Variants in CENPC observed in about 807,000 individuals in gnomAD.
CENPC encodes the protein CENP-C 1.
A neutral mutation model predicts 112.1 loss-of-function variants in CENPC; 63 were observed. The ratio of observed to expected loss-of-function variants is 0.56; its 90% CI spans 0.46 to 0.69. The LOEUF is 0.69. Among genes scored for constraint, CENPC ranks in the 30% least tolerant of loss-of-function variants. The pLI is 0.00. For synonymous variants in CENPC, 333 were observed against 367.6 expected, an observed-to-expected ratio of 0.91 and a Z score of 1.08; for missense variants, 1,000 against 1,103.8, an observed-to-expected ratio of 0.91 and a Z score of 1.33.
rs1056344849 is a variant in CENPC at position 67,469,230 on chromosome 4, T to C, written c.*3375A>G. On this transcript the variant is annotated 3_prime_UTR_variant, in exon 19 of 19. Transcript: ENST00000273853. ...AAATCATTAAAAAAACTCTCATGGGTGATGCCCACGATGGATTAATGGGTA... is the reference window on the plus strand; with the variant it reads ...AAATCATTAAAAAAACTCTCATGGGCGATGCCCACGATGGATTAATGGGTA... 2.6e-5 allele frequency: 4 copies of C among 152,050 alleles called. No homozygotes were observed. Among genetic ancestry groups the C allele is most frequent in the African/African-American group, 9.7e-5 (4 of 41,394 alleles). 9.4% of individuals were successfully genotyped at this position (152,050 alleles called of 1,614,324 possible).
At chr4:67,514,736 A>G (rs1307418116) in intron 7 of CENPC, 49 bp from the exon 8 acceptor site, 7 of 1,479,298 alleles carry the variant, frequency 4.7e-6, no homozygotes, top group Non-Finnish European at 6.3e-6. Context: ...AAGCTTTTAT[A>G]TTTGTTTAGT....
chr4:67,481,308 T>C (rs113039984), intron 17 of CENPC, among the ~76,000 whole-genome samples: 107 of 152,270 alleles, frequency 7.0e-4, no homozygotes, highest in African/African-American at 2.3e-3. Flanking sequence ...AGAACCAGTA[T>C]TGTGAAAATG....
chr4:67,514,464 T>A lies in CENPC; in HGVS notation c.1054A>T (p.Asn352Tyr). 6.2e-7 allele frequency: 1 copy of A among 1,613,610 alleles called. No individual in the cohort carries two copies. Among genetic ancestry groups the A allele is most frequent in the Non-Finnish European group, 8.5e-7 (1 of 1,179,856 alleles). ...TTTGCCAAAGTCTTAGGTAATATATTATGATGCTTTTCTCTTGACTTTCTA... is the reference window on the plus strand; with the variant it reads ...TTTGCCAAAGTCTTAGGTAATATATAATGATGCTTTTCTCTTGACTTTCTA... ...QGRKSREKHH[N>Y]ILPKTLANDK... The change falls in exon 8 of 19, where the codon AAT becomes TAT. Residue 352 changes from asparagine (N) to tyrosine (Y), a missense_variant. Physicochemically the swap from Asn to Tyr is moderately radical, Grantham distance 143. Coordinates refer to ENST00000273853, the MANE Select transcript of CENPC (RefSeq NM_001812.4).
chr4:67,491,243 G>A (rs1304296444), intron 16 of CENPC, among the ~76,000 whole-genome samples: 4 of 148,956 alleles, frequency 2.7e-5, no homozygotes, highest in African/African-American at 4.9e-5. Flanking sequence ...GCATGATCTC[G>A]GCTCACTGCA....
intron 4 of CENPC, among the ~76,000 whole-genome samples, chr4:67,533,550 G>T (rs1471319284): frequency 2.0e-5 from 3 of 152,178 alleles, no homozygotes; most frequent in Non-Finnish European, 4.4e-5. Context: ...AACAAACTCA[G>T]AAGGATGAAG....
chr4:67,521,530 G>T (rs1726229593), intron 5 of CENPC, among the ~76,000 whole-genome samples: 1 of 152,076 alleles, frequency 6.6e-6, no homozygotes. Flanking sequence ...AAAAACAAAA[G>T]ATAACAACTG....
chr4:67,493,824 G>T, intron 14 of CENPC, 60 bp downstream of exon 14: 1 of 1,028,510 alleles, frequency 9.7e-7, no homozygotes, highest in Non-Finnish European at 1.5e-6. Context: ...GTAGTGCAGT[G>T]TCTGGCACAT....
In CENPC at chr4:67,518,294, G is replaced by A. The variant is rs1358906712; in HGVS notation, c.692C>T (p.Thr231Ile). 1.3e-6 allele frequency: 2 copies of A among 1,551,636 alleles called. No homozygotes were observed. The highest frequency in any genetic ancestry group is 2.4e-5 in the East Asian group (1 of 41,598). ...DNKVSDEEDK[T>I]SEGQERKPSG... ...TGGTTTTCTTTCTTGTCCTTCCGAT[G>A]TTTTATCCTCTTCATCTGATACTTT... Residue 231 changes from threonine to isoleucine, a missense_variant, in exon 7 of 19, where the codon ACA becomes ATA. Thr to Ile is a moderately conservative substitution (Grantham distance 89). Transcript: ENST00000273853.
chr4:67,539,008 C>T (rs1283865690), intron 4 of CENPC, among the ~76,000 whole-genome samples: 3 of 152,252 alleles, frequency 2.0e-5, no homozygotes, highest in South Asian at 2.1e-4. Context: ...TCTAGCATAA[C>T]CTTGATACCA....
In CENPC at chr4:67,495,221, T is replaced by C. The variant is rs1196789444; in HGVS notation, c.2132-9A>G. 4 of 1,526,366 alleles carry C rather than the reference T, an allele frequency of 2.6e-6. No homozygotes were observed. The highest frequency in any genetic ancestry group is 5.0e-5 in the East Asian group (2 of 39,736). The allele number at this position is 1,526,366 out of a possible 1,614,324, so 94.6% of individuals were successfully genotyped here. A position where few individuals can be genotyped will look rare whatever the true frequency, so the allele number is the denominator to read the frequency against. Reference sequence around the variant, plus strand: ...AGATTGTTTTGAGTCATCTACAAAATGCAAAAGATAATATCATAAGAAATG... The same window carrying C: ...AGATTGTTTTGAGTCATCTACAAAACGCAAAAGATAATATCATAAGAAATG... On this transcript the variant is annotated splice_polypyrimidine_tract_variant and intron_variant, in intron 12 of 18. Coordinates refer to ENST00000273853, the MANE Select transcript of CENPC (RefSeq NM_001812.4).
chr4:67,486,077 A>T (rs1026663770), intron 17 of CENPC, among the ~76,000 whole-genome samples: 19 of 152,356 alleles, frequency 1.2e-4, no homozygotes, highest in Middle Eastern at 3.4e-3. Context: ...CAAAAAGACA[A>T]AAAAGTAATA....
intron 18 of CENPC, 64 bp downstream of exon 18, chr4:67,474,824 T>G: frequency 1.1e-6 from 1 of 905,052 alleles, no homozygotes; most frequent in South Asian, 1.5e-5. Flanking sequence ...CACTGTGGCT[T>G]CCATTTCCAT....
intron 4 of CENPC, 113 bp downstream of exon 4, chr4:67,539,727 G>T: frequency 1.8e-6 from 1 of 550,842 alleles, no homozygotes; most frequent in Non-Finnish European, 3.1e-6. Context: ...TGGGAATATA[G>T]AATTCCCTTT....
rs1309329126 is a variant in CENPC at position 67,491,173 on chromosome 4, T to TTTA, written c.2515+1004_2515+1006dup. Among the ~76,000 whole-genome samples the TTTA allele has an allele frequency of 5.4e-5, 8 of 149,240 alleles. No individual in the cohort carries two copies. In the East Asian group the frequency reaches 7.9e-4, roughly 15 times the overall value. On this transcript the variant is annotated intron_variant, in intron 16 of 18. Coordinates refer to ENST00000273853, the MANE Select transcript of CENPC (RefSeq NM_001812.4). ...TTTTTTTAGGAATTAACTAACTAGT[T>TTTA]TTATTATTATTATTATTGAGACAGG...
chr4:67,515,577 A>T (rs920688506), intron 7 of CENPC, among the ~76,000 whole-genome samples: 1 of 151,960 alleles, frequency 6.6e-6, no homozygotes, highest in African/African-American at 2.4e-5. Context: ...CAGACGGTTG[A>T]ATGAATGTAA....
At position 67,514,234 on chromosome 4, in the gene CENPC, T is replaced by C. The variant is rs1442757348; in HGVS notation, c.1284A>G (p.Lys428=). Residue 428 remains lysine (K), a synonymous_variant, in exon 8 of 19, where the codon AAA becomes AAG. Transcript: ENST00000273853. ...KQKQRRKFMA[K]PAEEQLDVGQ... Reference sequence around the variant, plus strand: ...CCACATCAAGCTGTTCTTCAGCTGGTTTAGCCATGAATTTTCTTCTCTGTT... The same window carrying C: ...CCACATCAAGCTGTTCTTCAGCTGGCTTAGCCATGAATTTTCTTCTCTGTT... The C allele has an allele frequency of 1.2e-6, 2 of 1,613,076 alleles. No homozygotes were observed. Among genetic ancestry groups the C allele is most frequent in the South Asian group, 1.1e-5 (1 of 90,954 alleles).
chr4:67,474,688 ACT>A (rs983798519), intron 18 of CENPC, 198 bp downstream of exon 18: 26 of 496,964 alleles, frequency 5.2e-5, no homozygotes, highest in African/African-American at 2.2e-4. Context: ...ACAGAGCAAG[ACT>A]CTGTCTCAAA....
chr4:67,527,021 C>T (rs1726400940), intron 5 of CENPC, among the ~76,000 whole-genome samples: 1 of 152,080 alleles, frequency 6.6e-6, no homozygotes, highest in South Asian at 2.1e-4. Context: ...AATTAACACA[C>T]TTCTAAATAA....
chr4:67,494,450 T>C (rs1219824623), intron 13 of CENPC, among the ~76,000 whole-genome samples: 1 of 152,182 alleles, frequency 6.6e-6, no homozygotes, highest in Non-Finnish European at 1.5e-5. Flanking sequence ...TCCCTACTCC[T>C]GATTCATCAT....
Sources: gnomAD v4.1 joint callset for allele counts (sites outside exome capture counted in the v4.1 genomes callset) on GRCh38, gnomAD v4.1.1 for gene constraint, MANE v1.5 for transcripts, NCBI Gene and HGNC (gene_info 2026-07-23, HGNC 2026-07-21) for gene names.